The following GPBP1 variants were observed in gnomAD, a reference collection of about 807,000 sequenced individuals.
The protein encoded by GPBP1 is vasculin.
In GPBP1, 13 loss-of-function variants were observed where a neutral mutation model predicts 56.5. That is an observed-to-expected ratio of 0.23 (90% CI 0.15 to 0.37). The LOEUF (loss-of-function observed/expected upper bound fraction) is 0.37. Ranked by LOEUF, GPBP1 falls within the 10% of genes least tolerant of loss-of-function variation. The probability of loss-of-function intolerance (pLI) is 1.00; values close to 1 mark genes in which losing one functional copy is unlikely to be tolerated. For synonymous variants in GPBP1, 204 were observed against 188.9 expected, an observed-to-expected ratio of 1.08 and a Z score of -0.66; for missense variants, 477 against 572.3, an observed-to-expected ratio of 0.83 and a Z score of 1.70.
intron 2 of GPBP1, among the ~76,000 whole-genome samples, chr5:57,178,509 G>T (rs1039842909): frequency 1.3e-5 from 2 of 152,170 alleles, no homozygotes; most frequent in African/African-American, 4.8e-5. Flanking sequence ...ACTTCCCAAA[G>T]TGCTGGGATT....
chr5:57,179,223 T>C (rs1438561919), intron 2 of GPBP1, among the ~76,000 whole-genome samples: 1 of 152,272 alleles, frequency 6.6e-6, no homozygotes, highest in Admixed American at 6.5e-5. Flanking sequence ...TTTCTTTTCA[T>C]GTACTGCTTC....
intron 2 of GPBP1, among the ~76,000 whole-genome samples, chr5:57,194,844 T>A (rs1754678337): frequency 6.6e-6 from 1 of 152,216 alleles, no homozygotes; most frequent in Admixed American, 6.5e-5. Flanking sequence ...TTCTTTTTTA[T>A]GACTGAATAA....
Position 57,246,947 on chromosome 5 carries a change from G to A in GPBP1, c.664-128G>A, listed in dbSNP as rs1223818485. On this transcript the variant is annotated intron_variant, in intron 7 of 11. Transcript: ENST00000506184. ...CAGAGAACTATGTAGGAATAATGCA[G>A]TGTGATACAAAAATAATTGTTTCCA... The A allele has an allele frequency of 8.9e-6, 6 of 672,454 alleles. No homozygotes were observed. The African/African-American group carries it at 9.2e-5, about 10-fold the overall frequency. The allele number at this position is 672,454 out of a possible 1,614,324, so 41.7% of individuals were successfully genotyped here.
intron 2 of GPBP1, among the ~76,000 whole-genome samples, chr5:57,213,832 T>C (rs1755594505): frequency 6.6e-6 from 1 of 152,208 alleles, no homozygotes; most frequent in South Asian, 2.1e-4. Context: ...TTGACAAATG[T>C]GTACAGTTGT....
At chr5:57,213,115 G>A (rs997158173) in intron 2 of GPBP1, among the ~76,000 whole-genome samples, 24 of 151,786 alleles carry the variant, frequency 1.6e-4, no homozygotes, top group Admixed American at 3.9e-4. Context: ...GTGCAGTGGC[G>A]TGATCTTGGC....
intron 9 of GPBP1, 133 bp from the exon 10 acceptor site, chr5:57,250,821 A>G: frequency 1.6e-6 from 1 of 616,744 alleles, no homozygotes; most frequent in South Asian, 2.3e-5. Flanking sequence ...CTGGGATTAC[A>G]GGGGTGAGCC....
Position 57,181,328 on chromosome 5 carries a change from C to T in GPBP1, c.-58+4928C>T, listed in dbSNP as rs1019436938. On this transcript the variant is annotated intron_variant, in intron 2 of 11. Transcript: ENST00000506184. The stretch of plus-strand genomic sequence containing the variant: ...CCAGCCTGGGTTGCAGAGTGACACC[C>T]TGCCTCAAAAATGAATAAGAATTAA... 8.6e-5 allele frequency among the ~76,000 whole-genome samples: 13 copies of T among 151,800 alleles called. No individual in the cohort carries two copies. In the East Asian group the frequency reaches 2.5e-3, roughly 29 times the overall value.
intron 2 of GPBP1, among the ~76,000 whole-genome samples, chr5:57,209,234 A>G (rs757365287): frequency 3.9e-5 from 6 of 152,118 alleles, no homozygotes; most frequent in Admixed American, 6.6e-5. Context: ...TTTAGAATTT[A>G]TGTAAGATCA....
chr5:57,207,500 A>G (rs1755280724), intron 2 of GPBP1, among the ~76,000 whole-genome samples: 1 of 151,982 alleles, frequency 6.6e-6, no homozygotes, highest in Admixed American at 6.5e-5. Flanking sequence ...CTAGGGGTGA[A>G]TGTTTACAGC....
intron 3 of GPBP1, among the ~76,000 whole-genome samples, chr5:57,216,194 AAATTTAACTTCTTCAGT>A (rs1165784355): frequency 6.6e-6 from 1 of 152,174 alleles, no homozygotes; most frequent in African/African-American, 2.4e-5. Flanking sequence ...TAGTTACCAG[AAATTTAACTTCTTCAGT>A]TGGAATTGGA....
intron 7 of GPBP1, among the ~76,000 whole-genome samples, chr5:57,246,866 T>A (rs1158995152): frequency 3.9e-5 from 6 of 152,220 alleles, no homozygotes; most frequent in Admixed American, 3.9e-4. Flanking sequence ...AAAATAGCAA[T>A]TTAGTTAGAT....
At chr5:57,219,710 C>G (rs916109400) in intron 3 of GPBP1, among the ~76,000 whole-genome samples, 3 of 152,040 alleles carry the variant, frequency 2.0e-5, no homozygotes, top group African/African-American at 4.8e-5. Flanking sequence ...TGTAAGACTT[C>G]TTGTAATTTT....
At chr5:57,257,754 C>T (rs1035945604) in intron 10 of GPBP1, among the ~76,000 whole-genome samples, 58 of 152,092 alleles carry the variant, frequency 3.8e-4, no homozygotes, top group African/African-American at 1.2e-3. Flanking sequence ...CACACCTGGC[C>T]CTAGTCAGAA....
At chr5:57,196,541 A>T (rs900061687) in intron 2 of GPBP1, among the ~76,000 whole-genome samples, 1 of 152,180 alleles carries the variant, frequency 6.6e-6, no homozygotes, top group East Asian at 1.9e-4. Context: ...ATTTGCTTTC[A>T]TGGTGCTAAA....
At chr5:57,241,429 T>G (rs1740821151) in intron 6 of GPBP1, among the ~76,000 whole-genome samples, 1 of 152,116 alleles carries the variant, frequency 6.6e-6, no homozygotes, top group Admixed American at 6.5e-5. Context: ...ATTTAATATT[T>G]AAAGTCAATT....
chr5:57,194,786 A>C (rs780636068), intron 2 of GPBP1, among the ~76,000 whole-genome samples: 7 of 152,154 alleles, frequency 4.6e-5, no homozygotes, highest in Non-Finnish European at 4.4e-5. Context: ...TTCATTTAAC[A>C]TACTGTCCTC....
chr5:57,230,992 G>A, intron 4 of GPBP1, 23 bp downstream of exon 4: 1 of 1,590,792 alleles, frequency 6.3e-7, no homozygotes, highest in Non-Finnish European at 8.5e-7. Context: ...AAGGAATGAT[G>A]TTTATGGCTA....
intron 2 of GPBP1, among the ~76,000 whole-genome samples, chr5:57,185,844 A>G (rs1428053262): frequency 2.6e-5 from 4 of 151,280 alleles, no homozygotes; most frequent in Non-Finnish European, 5.9e-5. Context: ...TACAAAAAGT[A>G]TAAAAGTAAG....
chr5:57,262,036 T>C (rs1741917099), intron 11 of GPBP1, among the ~76,000 whole-genome samples: 1 of 152,184 alleles, frequency 6.6e-6, no homozygotes, highest in South Asian at 2.1e-4. Flanking sequence ...CTTGTGCCAC[T>C]ACACTGGGCT....
Sources: gnomAD v4.1 joint callset for allele counts (sites outside exome capture counted in the v4.1 genomes callset) on GRCh38, gnomAD v4.1.1 for gene constraint, MANE v1.5 for transcripts, NCBI Gene and HGNC (gene_info 2026-07-23, HGNC 2026-07-21) for gene names.